Variants in CLSTN2 observed in about 807,000 individuals in gnomAD.
The protein encoded by CLSTN2 is calsyntenin 2.
CLSTN2 carries 48 observed loss-of-function variants against 101.2 expected under a neutral mutation model. That is an observed-to-expected ratio of 0.47 (90% CI 0.38 to 0.60). The LOEUF (loss-of-function observed/expected upper bound fraction) is 0.60. Ranked by LOEUF, CLSTN2 falls within the 20% of genes least tolerant of loss-of-function variation. The pLI is 0.00. For missense variants in CLSTN2, 1,160 were observed against 1,238.2 expected, an observed-to-expected ratio of 0.94 and a Z score of 0.95; for synonymous variants, 481 against 463.6, an observed-to-expected ratio of 1.04 and a Z score of -0.48.
In CLSTN2 at chr3:140,572,280, G is replaced by C. The variant is rs1397396326; in HGVS notation, c.*6027G>C. On this transcript the variant is annotated 3_prime_UTR_variant, in exon 17 of 17. Transcript: ENST00000458420. Reference sequence around the variant, plus strand: ...CCAGGGAAGTAGGCAATATTTCCCTGAATATTCCTCAATTCCAATCAAGGC... The same window carrying C: ...CCAGGGAAGTAGGCAATATTTCCCTCAATATTCCTCAATTCCAATCAAGGC... 2 of 152,228 alleles carry C rather than the reference G, an allele frequency of 1.3e-5. No individual in the cohort carries two copies. The highest frequency in any genetic ancestry group is 4.8e-5 in the African/African-American group (2 of 41,460). The allele number at this position is 152,228 out of a possible 1,614,324, so 9.4% of individuals were successfully genotyped here.
chr3:140,118,952 C>G (rs959994032), intron 1 of CLSTN2, among the ~76,000 whole-genome samples: 4 of 152,092 alleles, frequency 2.6e-5, no homozygotes, highest in African/African-American at 9.6e-5. Flanking sequence ...GGGTAAGAAG[C>G]CCCAGATATT....
At chr3:140,404,884 G>A (rs1024591740) in intron 4 of CLSTN2, 118 bp downstream of exon 4, 3 of 853,232 alleles carry the variant, frequency 3.5e-6, no homozygotes, top group Admixed American at 2.1e-5. Flanking sequence ...TGCCATGTTT[G>A]GTCTAAGCTC....
chr3:140,143,495 T>C (rs1405805295), intron 1 of CLSTN2, among the ~76,000 whole-genome samples: 1 of 152,214 alleles, frequency 6.6e-6, no homozygotes, highest in Non-Finnish European at 1.5e-5. Flanking sequence ...ATTTTCTTTA[T>C]TCAGTATACT....
chr3:139,977,403 A>G lies in CLSTN2; in HGVS notation c.109+41920A>G, dbSNP rs1279386480. Among the ~76,000 whole-genome samples the G allele has an allele frequency of 2.0e-5, 3 of 152,308 alleles. No individual in the cohort carries two copies. In the East Asian group the frequency reaches 5.8e-4, roughly 29 times the overall value. Reference sequence around the variant, plus strand: ...CTGGCATCCCTGGGCTCAGGCCTCCATGGTCTCCTGAGTCTTACTACACTG... The same window carrying G: ...CTGGCATCCCTGGGCTCAGGCCTCCGTGGTCTCCTGAGTCTTACTACACTG... On this transcript the variant is annotated intron_variant, in intron 1 of 16. Transcript: ENST00000458420.
chr3:139,952,898 G>A (rs1935317614), intron 1 of CLSTN2, among the ~76,000 whole-genome samples: 2 of 152,118 alleles, frequency 1.3e-5, no homozygotes, highest in South Asian at 4.1e-4. Context: ...TTTTTACCAG[G>A]AGGTTCAGAA....
At chr3:140,497,178 C>T (rs892218528) in intron 8 of CLSTN2, among the ~76,000 whole-genome samples, 3 of 151,744 alleles carry the variant, frequency 2.0e-5, no homozygotes, top group Admixed American at 1.3e-4. Context: ...AAGCCTTCCT[C>T]GTGCAGATAG....
intron 1 of CLSTN2, among the ~76,000 whole-genome samples, chr3:139,970,844 T>C (rs1203452094): frequency 1.3e-5 from 2 of 152,194 alleles, no homozygotes; most frequent in African/African-American, 4.8e-5. Context: ...ATAGTTCTTA[T>C]ATGTAATGAT....
At chr3:139,936,418 A>T (rs139276068) in intron 1 of CLSTN2, among the ~76,000 whole-genome samples, 353 of 152,284 alleles carry the variant, frequency 2.3e-3, no homozygotes, top group Non-Finnish European at 3.8e-3. Context: ...CGCACAGCTT[A>T]GTGATAACTT....
At chr3:140,546,705 C>G (rs1182460345) in intron 10 of CLSTN2, 24 bp downstream of exon 10, 1 of 1,584,760 alleles carries the variant, frequency 6.3e-7, no homozygotes, top group South Asian at 1.2e-5. Context: ...TGGCATCACT[C>G]CCAATAAGAC....
intron 2 of CLSTN2, among the ~76,000 whole-genome samples, chr3:140,307,921 T>A (rs1272808040): frequency 6.6e-6 from 1 of 152,210 alleles, no homozygotes; most frequent in African/African-American, 2.4e-5. Context: ...TGGTGAAGGC[T>A]CCCTCAGAAA....
intron 2 of CLSTN2, among the ~76,000 whole-genome samples, chr3:140,194,566 G>A (rs1281698654): frequency 6.6e-6 from 1 of 152,152 alleles, no homozygotes. Flanking sequence ...GAGGTAATGA[G>A]TAATTTTTCT....
Position 140,021,943 on chromosome 3 carries a change from C to A in CLSTN2, c.109+86460C>A, listed in dbSNP as rs566247005. 7.9e-5 allele frequency among the ~76,000 whole-genome samples: 12 copies of A among 152,300 alleles called. No homozygotes were observed. In the East Asian group the frequency reaches 2.3e-3, roughly 29 times the overall value. On this transcript the variant is annotated intron_variant, in intron 1 of 16. Coordinates refer to ENST00000458420, the MANE Select transcript of CLSTN2 (RefSeq NM_022131.3). ...AAGGCCAGAGTGGGTATATGACTTG[C>A]CGAGTCAGGCGGCAGACAGAACTGG...
chr3:140,315,142 A>G (rs1266694923), intron 2 of CLSTN2, among the ~76,000 whole-genome samples: 1 of 152,232 alleles, frequency 6.6e-6, no homozygotes. Context: ...GCCTTCACCC[A>G]CATCCGTGGA....
chr3:140,355,712 C>A (rs756893336), intron 2 of CLSTN2, among the ~76,000 whole-genome samples: 1 of 152,116 alleles, frequency 6.6e-6, no homozygotes, highest in Admixed American at 6.5e-5. Context: ...CATAGCACCT[C>A]GCATTCCCAG....
rs1933513611 is a variant in CLSTN2 at position 140,459,744 on chromosome 3, C to A, written c.1197C>A (p.Thr399=). Reference sequence around the variant, plus strand: ...CTGGTGTGAGAGCCGAGAAGGAAACCATCCTCTGCAACTCAGACAAAACCG... The same window carrying A: ...CTGGTGTGAGAGCCGAGAAGGAAACAATCCTCTGCAACTCAGACAAAACCG... The part of the protein sequence containing the change: ...PSPGVRAEKE[T]ILCNSDKTEM... The change falls in exon 7 of 17, where the codon ACC becomes ACA. Residue 399 remains threonine (T), a synonymous_variant. Transcript: ENST00000458420. 1.2e-6 allele frequency: 2 copies of A among 1,614,114 alleles called. No individual in the cohort carries two copies. The highest frequency in any genetic ancestry group is 1.7e-6 in the Non-Finnish European group (2 of 1,180,010).
intron 1 of CLSTN2, among the ~76,000 whole-genome samples, chr3:140,082,991 T>C (rs1171165601): frequency 1.3e-5 from 2 of 152,216 alleles, no homozygotes; most frequent in Non-Finnish European, 2.9e-5. Context: ...CCTTTACACA[T>C]GCTGTTTCCG....
chr3:140,447,397 A>G (rs1405184796), intron 5 of CLSTN2, among the ~76,000 whole-genome samples: 1 of 152,200 alleles, frequency 6.6e-6, no homozygotes, highest in African/African-American at 2.4e-5. Flanking sequence ...ACATGTCGTC[A>G]GTCACTGGGA....
At chr3:140,363,379 A>G (rs1026139367) in intron 2 of CLSTN2, among the ~76,000 whole-genome samples, 11 of 152,364 alleles carry the variant, frequency 7.2e-5, no homozygotes, top group African/African-American at 2.6e-4. Context: ...GATCTTTTGC[A>G]TGTAATAGAA....
chr3:140,403,900 A>C (rs558702153), intron 3 of CLSTN2, 76 bp downstream of exon 3: 58 of 1,212,474 alleles, frequency 4.8e-5, no homozygotes, highest in Non-Finnish European at 6.7e-5. Flanking sequence ...GCTGCTCTTC[A>C]GATATGTTTA....
Sources: gnomAD v4.1 joint callset for allele counts (sites outside exome capture counted in the v4.1 genomes callset) on GRCh38, gnomAD v4.1.1 for gene constraint, MANE v1.5 for transcripts, NCBI Gene and HGNC (gene_info 2026-07-23, HGNC 2026-07-21) for gene names.